LPP: variants seen among roughly 807,000 people sequenced by gnomAD.
The protein encoded by LPP is LIM domain containing preferred translocation partner in lipoma.
In LPP, 38 loss-of-function variants were observed where a neutral mutation model predicts 60.4. The ratio of observed to expected loss-of-function variants is 0.63; its 90% CI spans 0.49 to 0.83. LPP has a LOEUF of 0.83. Among genes scored for constraint, LPP ranks in the 40% least tolerant of loss-of-function variants. The pLI is 0.00. For synonymous variants in LPP, 328 were observed against 290.8 expected, an observed-to-expected ratio of 1.13 and a Z score of -1.30; for missense variants, 902 against 783.6, an observed-to-expected ratio of 1.15 and a Z score of -1.80.
At chr3:188,809,367 A>T (rs1234149414) in intron 9 of LPP, among the ~76,000 whole-genome samples, 1 of 152,070 alleles carries the variant, frequency 6.6e-6, no homozygotes, top group African/African-American at 2.4e-5. Flanking sequence ...CTTTTTAATA[A>T]TCGCCATTCT....
intron 1 of LPP, among the ~76,000 whole-genome samples, chr3:188,203,457 A>T (rs1324239358): frequency 2.1e-5 from 2 of 93,618 alleles, no homozygotes; most frequent in Non-Finnish European, 3.7e-5. Flanking sequence ...AAATATATAT[A>T]AATATATATA....
chr3:188,405,975 C>T, intron 3 of LPP, 137 bp from the exon 4 acceptor site: 1 of 649,118 alleles, frequency 1.5e-6, no homozygotes, highest in Non-Finnish European at 2.6e-6. Flanking sequence ...TTCTTTCTTC[C>T]ATTTTCTTTC....
At chr3:188,810,405 C>T (rs543827169) in intron 9 of LPP, among the ~76,000 whole-genome samples, 25 of 151,798 alleles carry the variant, frequency 1.6e-4, no homozygotes, top group African/African-American at 6.0e-4. Flanking sequence ...AACCACAGTC[C>T]AAAAATAGGT....
chr3:188,773,043 G>A lies in LPP; in HGVS notation c.1410+12761G>A, dbSNP rs149264357. On this transcript the variant is annotated intron_variant, in intron 9 of 11. Transcript: ENST00000617246. ...GAAGCCAGCTGTCTAGCTTCCAGCC[G>A]TAGAATGATCATAAGAGCTACTACA... Among the ~76,000 whole-genome samples the A allele has an allele frequency of 4.0e-3, 603 of 152,200 alleles. 4 individuals carry two copies. Among genetic ancestry groups the A allele is most frequent in the African/African-American group, 0.014 (581 of 41,504 alleles).
chr3:188,240,298 T>C (rs1723680596), intron 2 of LPP: 2 of 168,110 alleles, frequency 1.2e-5, no homozygotes, highest in Non-Finnish European at 1.3e-5. Context: ...ACAGCTTGCC[T>C]AACAAGGTTG....
At chr3:188,516,269 C>T (rs976096124) in intron 5 of LPP, among the ~76,000 whole-genome samples, 6 of 152,118 alleles carry the variant, frequency 3.9e-5, no homozygotes, top group Admixed American at 2.6e-4. Context: ...TAACTTACAA[C>T]AGTTTGTATC....
intron 3 of LPP, among the ~76,000 whole-genome samples, chr3:188,373,527 G>A (rs866492398): frequency 0.011 from 1,679 of 152,116 alleles, 26 homozygotes; most frequent in African/African-American, 0.037. Context: ...GTCTGTTCAT[G>A]TCCTTCTCCC....
intron 7 of LPP, among the ~76,000 whole-genome samples, chr3:188,701,058 T>C (rs1424638711): frequency 6.6e-6 from 1 of 152,248 alleles, no homozygotes; most frequent in African/African-American, 2.4e-5. Flanking sequence ...TCAGGTCTTC[T>C]GTATTTATGG....
intron 2 of LPP, among the ~76,000 whole-genome samples, chr3:188,270,164 A>G (rs1296060281): frequency 1.3e-5 from 2 of 152,118 alleles, no homozygotes; most frequent in Non-Finnish European, 2.9e-5. Flanking sequence ...TCAGAGTGAC[A>G]AAAGTATTCT....
At chr3:188,501,172 A>G (rs1811727430) in intron 5 of LPP, among the ~76,000 whole-genome samples, 1 of 152,104 alleles carries the variant, frequency 6.6e-6, no homozygotes, top group African/African-American at 2.4e-5. Flanking sequence ...TCTTATCTTT[A>G]AATTTAATGG....
chr3:188,501,121 G>C (rs1006857590), intron 5 of LPP, among the ~76,000 whole-genome samples: 22 of 151,212 alleles, frequency 1.5e-4, no homozygotes, highest in Non-Finnish European at 2.1e-4. Flanking sequence ...TTTTTTCCAA[G>C]TTTCACAATC....
intron 7 of LPP, among the ~76,000 whole-genome samples, chr3:188,661,641 A>G (rs1854596129): frequency 6.6e-6 from 1 of 152,084 alleles, no homozygotes; most frequent in South Asian, 2.1e-4. Context: ...TGTTTTTCTT[A>G]CTAAGTTTTG....
At chr3:188,487,904 T>G (rs1162802806) in intron 5 of LPP, among the ~76,000 whole-genome samples, 1 of 151,974 alleles carries the variant, frequency 6.6e-6, no homozygotes, top group South Asian at 2.1e-4. Flanking sequence ...CTACTAAGAG[T>G]GATTATAAGA....
intron 2 of LPP, among the ~76,000 whole-genome samples, chr3:188,234,198 G>C (rs527611561): frequency 6.6e-6 from 1 of 152,294 alleles, no homozygotes; most frequent in Non-Finnish European, 1.5e-5. Flanking sequence ...GAGGAGAAAT[G>C]ACTTAGAGGA....
At chr3:188,533,311 C>A (rs1439267192) in intron 6 of LPP, among the ~76,000 whole-genome samples, 8 of 152,152 alleles carry the variant, frequency 5.3e-5, no homozygotes, top group Non-Finnish European at 8.8e-5. Context: ...AACATGTAGG[C>A]TACTGGGAGA....
chr3:188,369,387 C>T (rs1772322300), intron 3 of LPP, among the ~76,000 whole-genome samples: 1 of 151,870 alleles, frequency 6.6e-6, no homozygotes, highest in African/African-American at 2.4e-5. Context: ...GGGTTCTAAG[C>T]TGCACCTCTC....
chr3:188,284,078 T>C (rs1261573241), intron 2 of LPP, among the ~76,000 whole-genome samples: 1 of 151,988 alleles, frequency 6.6e-6, no homozygotes, highest in Non-Finnish European at 1.5e-5. Context: ...CTAGGCACAA[T>C]ATGGTTTATA....
Position 188,609,170 on chromosome 3 carries a change from G to T in LPP, c.439G>T (p.Gly147Cys). 1.2e-6 allele frequency: 2 copies of T among 1,604,730 alleles called. No homozygotes were observed. The highest frequency in any genetic ancestry group is 1.7e-6 in the Non-Finnish European group (2 of 1,174,306). ...TTCCTATTCTTTTTAGAGCTCCACT[G>T]GTTCAACAGCCTCTCCTCCAGTTTC... is the stretch of plus-strand genomic sequence containing the variant. Reference protein sequence around the residue: ...YKPRPPQSSTGSTASPPVSTP... With the variant: ...YKPRPPQSSTCSTASPPVSTP... Residue 147 changes from glycine to cysteine, a missense_variant, in exon 7 of 12, where the codon GGT becomes TGT. Transcript: ENST00000617246. The surrounding 1 kb of genome is among the most constrained non-coding windows in gnomAD (Gnocchi z 6.9).
chr3:188,205,898 G>A (rs915358178), intron 1 of LPP, among the ~76,000 whole-genome samples: 3 of 152,160 alleles, frequency 2.0e-5, no homozygotes, highest in Non-Finnish European at 2.9e-5. Context: ...AACCTGAGTC[G>A]CTCTGCTTTT....
Sources: gnomAD v4.1 joint callset for allele counts (sites outside exome capture counted in the v4.1 genomes callset) on GRCh38, gnomAD v4.1.1 for gene constraint, Gnocchi (gnomAD v3.1) non-coding constraint, MANE v1.5 for transcripts, NCBI Gene and HGNC (gene_info 2026-07-23, HGNC 2026-07-21) for gene names.